POLQ: variants seen among roughly 807,000 people sequenced by gnomAD.
POLQ encodes DNA polymerase theta.
A neutral mutation model predicts 259.2 loss-of-function variants in POLQ; 233 were observed. That is an observed-to-expected ratio of 0.90 (90% CI 0.81 to 1.00). The LOEUF is 1.00. POLQ is among the 50% of genes least tolerant of loss of function. The probability of loss-of-function intolerance (pLI) is 0.00; values close to 1 mark genes in which losing one functional copy is unlikely to be tolerated. For missense variants in POLQ, 2,871 were observed against 3,051.6 expected, an observed-to-expected ratio of 0.94 and a Z score of 1.39; for synonymous variants, 1,025 against 1,048.8, an observed-to-expected ratio of 0.98 and a Z score of 0.44.
chr3:121,454,940 C>G (rs1343674254), intron 25 of POLQ, among the ~76,000 whole-genome samples: 3 of 152,162 alleles, frequency 2.0e-5, no homozygotes, highest in Non-Finnish European at 4.4e-5. Flanking sequence ...TTTTTTTCAG[C>G]AGCACACCAC....
At chr3:121,442,129 G>C (rs2047597447) in intron 26 of POLQ, among the ~76,000 whole-genome samples, 1 of 152,002 alleles carries the variant, frequency 6.6e-6, no homozygotes, top group Non-Finnish European at 1.5e-5. Context: ...TTCCCAGTTT[G>C]TACCTTGCTT....
intron 25 of POLQ, among the ~76,000 whole-genome samples, chr3:121,452,131 T>C (rs2108779247): frequency 6.6e-6 from 1 of 152,296 alleles, no homozygotes; most frequent in South Asian, 2.1e-4. Flanking sequence ...CTAAGACCCT[T>C]GGAAAAGCGC....
rs114581215 is a variant in POLQ, at chr3:121,494,755, T to C, written c.2279-1034A>G. On this transcript the variant is annotated intron_variant, in intron 14 of 29. Coordinates refer to ENST00000264233, the MANE Select transcript of POLQ (RefSeq NM_199420.4). ...ACTCGGAAGACAAAGGCACTTTGGCTAAGCTGGTGGAAGTTATCAGGACCA... is the reference window on the plus strand; with the variant it reads ...ACTCGGAAGACAAAGGCACTTTGGCCAAGCTGGTGGAAGTTATCAGGACCA... 4,093 of 1,533,286 alleles carry C rather than the reference T, an allele frequency of 2.7e-3. 106 individuals carry two copies. In the African/African-American group the frequency reaches 0.05, roughly 19 times the overall value. The allele number at this position is 1,533,286 out of a possible 1,614,324, so 95.0% of individuals were successfully genotyped here.
chr3:121,533,758 C>G (rs2048428905), intron 5 of POLQ, among the ~76,000 whole-genome samples: 1 of 152,128 alleles, frequency 6.6e-6, no homozygotes, highest in Admixed American at 6.6e-5. Context: ...TTGTGATTTA[C>G]CCACCTCGGC....
At chr3:121,455,740 C>T (rs2047730091) in intron 25 of POLQ, among the ~76,000 whole-genome samples, 3 of 152,110 alleles carry the variant, frequency 2.0e-5, no homozygotes, top group African/African-American at 7.2e-5. Flanking sequence ...TGGCAATAAT[C>T]AATAGCTTAC....
In POLQ at chr3:121,481,778, T is replaced by C. The variant is rs1434110993; in HGVS notation, c.6005A>G (p.Glu2002Gly). 2 of 1,612,876 alleles carry C rather than the reference T, an allele frequency of 1.2e-6. No homozygotes were observed. Among genetic ancestry groups the C allele is most frequent in the African/African-American group, 2.7e-5 (2 of 74,870 alleles). The change falls in exon 19 of 30, where the codon GAG becomes GGG. Residue 2002 changes from glutamate (E) to glycine (G), a missense_variant. Physicochemically the swap from Glu to Gly is moderately conservative, Grantham distance 98. Transcript: ENST00000264233. ...ACWLLDPDSQ[E>G]PTLHSIVTSF... ...GGTAACTATGCTATGAAGAGTCGGC[T>C]CCTGAGAATCTGGATCTAGTAACCA...
intron 19 of POLQ, among the ~76,000 whole-genome samples, chr3:121,480,229 C>CTT (rs1490371983): frequency 6.6e-6 from 1 of 151,736 alleles, no homozygotes; most frequent in Admixed American, 6.6e-5. Context: ...ACTGAATAAT[C>CTT]TTACAGTTAT....
chr3:121,461,285 G>A (rs1173214823), intron 24 of POLQ, among the ~76,000 whole-genome samples: 1 of 152,156 alleles, frequency 6.6e-6, no homozygotes, highest in Non-Finnish European at 1.5e-5. Context: ...ACAGACTGCT[G>A]CACAGACTAC....
rs1300743426 is a variant in POLQ, at chr3:121,487,482, G to C, written c.5449C>G (p.Pro1817Ala). ...QLSQDGLQLT[P>A]ASSSSESLSI... ...AAACTTTCTGAACTGCTTGAGGCTG[G>C]AGTTAACTGTAATCCATCCTGTGAT... Residue 1817 changes from proline (P) to alanine (A), a missense_variant, in exon 16 of 30, where the codon CCA (proline) becomes GCA (alanine). Around this residue, in one of 3 missense-constraint regions of POLQ, gnomAD observed 2,080 missense variants for 2,126.0 expected, o/e 0.98. Coordinates refer to ENST00000264233, the MANE Select transcript of POLQ (RefSeq NM_199420.4). The C allele has an allele frequency of 3.1e-6, 5 of 1,614,074 alleles. No individual in the cohort carries two copies. The African/African-American group carries it at 5.3e-5, about 17-fold the overall frequency.
Position 121,490,113 on chromosome 3 carries a change from T to G in POLQ, c.2818A>C (p.Ser940Arg), listed in dbSNP as rs575812352. 4.5e-5 allele frequency: 72 copies of G among 1,604,308 alleles called. 1 individual carries two copies. Among genetic ancestry groups the G allele is most frequent in the Non-Finnish European group, 5.6e-5 (66 of 1,173,516 alleles). Residue 940 changes from serine (S) to arginine (R), a missense_variant, in exon 16 of 30, where the codon AGT becomes CGT. Physicochemically the swap from Ser to Arg is moderately radical, Grantham distance 110. This residue lies in a region of POLQ where 2,080 missense variants were observed against 2,126.0 expected (regional missense o/e 0.98). Transcript: ENST00000264233. The stretch of plus-strand genomic sequence containing the variant: ...TAAGAATCACTAAATATTGTGTTAC[T>G]TTTGTTCTTTGATGTTAATTTTTTA... Reference protein sequence around the residue: ...SYKKLTSKNKSNTIFSDSYIK... With the variant: ...SYKKLTSKNKRNTIFSDSYIK...
intron 25 of POLQ, among the ~76,000 whole-genome samples, chr3:121,452,562 G>A (rs2047688159): frequency 6.7e-6 from 1 of 149,668 alleles, no homozygotes; most frequent in South Asian, 2.1e-4. Flanking sequence ...GGATTAGGTG[G>A]TTCAGTGCAT....
rs145637095 is a variant in POLQ, at chr3:121,506,082, G to C, written c.1959+3479C>G. Among the ~76,000 whole-genome samples, 5 of 150,604 alleles carry C rather than the reference G, an allele frequency of 3.3e-5. No homozygotes were observed. In the East Asian group the frequency reaches 7.8e-4, roughly 23 times the overall value. ...CTATACAATTACTTGAAGAAAATGT[G>C]GGTGAATTCCTTAATAATTTCAGAG... On this transcript the variant is annotated intron_variant, in intron 12 of 29. Coordinates refer to ENST00000264233, the MANE Select transcript of POLQ (RefSeq NM_199420.4).
intron 6 of POLQ, 137 bp downstream of exon 6, chr3:121,532,853 G>T: frequency 1.6e-6 from 1 of 621,886 alleles, no homozygotes; most frequent in South Asian, 2.6e-5. Flanking sequence ...TCTTTAAGAG[G>T]AAACCAGTTA....
In POLQ at chr3:121,489,938, T is replaced by G; in HGVS notation, c.2993A>C (p.Lys998Thr). 6.3e-7 allele frequency: 1 copy of G among 1,579,906 alleles called. No individual in the cohort carries two copies. The change falls in exon 16 of 30, where the codon AAA becomes ACA. Residue 998 changes from lysine (K) to threonine (T), a missense_variant. Physicochemically the swap from Lys to Thr is moderately conservative, Grantham distance 78. Coordinates refer to ENST00000264233, the MANE Select transcript of POLQ (RefSeq NM_199420.4). ...ATTCTGAGAGGCTCCTGGCTTCTCT[T>G]TATTTATATCTAAAGAGGCCCGTTT... ...ARKRASLDIN[K>T]EKPGASQNEG...
chr3:121,440,881 TGA>T (rs2047586083), intron 26 of POLQ, among the ~76,000 whole-genome samples: 1 of 152,132 alleles, frequency 6.6e-6, no homozygotes, highest in Non-Finnish European at 1.5e-5. Flanking sequence ...AATTAATGCA[TGA>T]GTTACGATAA....
chr3:121,514,022 C>CA (rs1185320178), intron 9 of POLQ, among the ~76,000 whole-genome samples: 424 of 27,416 alleles, frequency 0.015, 5 homozygotes, highest in Non-Finnish European at 0.02. Context: ...AACTCCATCT[C>CA]AAAAAAAAAA....
At chr3:121,438,538 C>T (rs2047563102) in intron 27 of POLQ, among the ~76,000 whole-genome samples, 1 of 152,128 alleles carries the variant, frequency 6.6e-6, no homozygotes, top group Non-Finnish European at 1.5e-5. Flanking sequence ...ATTATATACC[C>T]CTATGTGACA....
rs576468191 is a variant in POLQ at position 121,457,933 on chromosome 3, C to A, written c.7152+2117G>T. Reference sequence around the variant, plus strand: ...TCATGCTGCTATAAAGATACATGCACACGTATGTTTATTGCGGCACTATTC... The same window carrying A: ...TCATGCTGCTATAAAGATACATGCAAACGTATGTTTATTGCGGCACTATTC... On this transcript the variant is annotated intron_variant, in intron 25 of 29. Transcript: ENST00000264233. 2.6e-5 allele frequency among the ~76,000 whole-genome samples: 4 copies of A among 152,266 alleles called. No homozygotes were observed. The South Asian group carries it at 8.3e-4, about 32-fold the overall frequency.
chr3:121,458,344 C>G (rs1341936803), intron 25 of POLQ, among the ~76,000 whole-genome samples: 3 of 151,578 alleles, frequency 2.0e-5, no homozygotes, highest in Non-Finnish European at 4.4e-5. Context: ...ATGTAACTAA[C>G]CTGCACATTG....
Sources: allele counts gnomAD v4.1 joint callset (sites outside exome capture counted in the v4.1 genomes callset), GRCh38; gene constraint gnomAD v4.1.1; regional missense constraint gnomAD v4.1.1; transcripts MANE v1.5; gene names NCBI Gene and HGNC (gene_info 2026-07-23, HGNC 2026-07-21).